Variants in ST3GAL6 observed in about 807,000 individuals in gnomAD.
The protein encoded by ST3GAL6 is ST3 beta-galactoside alpha-2,3-sialyltransferase 6.
Under a neutral mutation model 40.5 loss-of-function variants are expected in ST3GAL6, and 31 were observed. The ratio of observed to expected loss-of-function variants is 0.77; its 90% CI spans 0.58 to 1.03. The LOEUF (loss-of-function observed/expected upper bound fraction) is 1.03, where lower values mean the gene tolerates loss of function less well. ST3GAL6 is among the 50% of genes least tolerant of loss of function. The pLI, the probability that ST3GAL6 is intolerant of heterozygous loss-of-function variation, is 0.00. For missense variants in ST3GAL6, 357 were observed against 393.2 expected, an observed-to-expected ratio of 0.91 and a Z score of 0.78; for synonymous variants, 129 against 136.9, an observed-to-expected ratio of 0.94 and a Z score of 0.40.
At chr3:98,744,882 A>T (rs1177467143) in intron 1 of ST3GAL6, among the ~76,000 whole-genome samples, 5 of 152,302 alleles carry the variant, frequency 3.3e-5, no homozygotes, top group Admixed American at 2.6e-4. Context: ...TCTTTGATAA[A>T]ATAGAAAAGC....
At chr3:98,733,329 C>T (rs972617101) in intron 1 of ST3GAL6, 3 of 1,143,070 alleles carry the variant, frequency 2.6e-6, no homozygotes, top group Middle Eastern at 3.6e-4. Context: ...GCCCAGGAGC[C>T]GTGGGGGCCG....
At position 98,783,581 on chromosome 3, in the gene ST3GAL6, T is replaced by TA. The variant is rs542963493; in HGVS notation, c.336-1356dup. On this transcript the variant is annotated intron_variant, in intron 5 of 9. Transcript: ENST00000483910. Reference sequence around the variant, plus strand: ...TCTATAGACTCCCAGAAAAAAGAAATAAAAAAAATGCAAAGAAAATTTAAA... The same window carrying TA: ...TCTATAGACTCCCAGAAAAAAGAAATAAAAAAAAATGCAAAGAAAATTTAAA... 7.4e-5 allele frequency: 73 copies of TA among 983,300 alleles called. No individual in the cohort carries two copies. In the Admixed American group the frequency reaches 3.1e-3, roughly 42 times the overall value. The allele number at this position is 983,300 out of a possible 1,614,324, so 60.9% of individuals were successfully genotyped here. A position where few individuals can be genotyped will look rare whatever the true frequency, so the allele number is the denominator to read the frequency against.
intron 1 of ST3GAL6, among the ~76,000 whole-genome samples, chr3:98,737,566 T>C (rs993032616): frequency 6.6e-6 from 1 of 152,214 alleles, no homozygotes; most frequent in Non-Finnish European, 1.5e-5. Context: ...TTTCAAGATG[T>C]CTCATCATCA....
chr3:98,782,603 C>G, intron 5 of ST3GAL6: 1 of 502,126 alleles, frequency 2.0e-6, no homozygotes, highest in Non-Finnish European at 3.7e-6. Flanking sequence ...CTGGGGTCAT[C>G]CAAACCAGTA....
chr3:98,733,885 G>T (rs751136030), intron 1 of ST3GAL6, among the ~76,000 whole-genome samples: 4 of 152,180 alleles, frequency 2.6e-5, no homozygotes, highest in Non-Finnish European at 4.4e-5. Flanking sequence ...ACAGTGTGTG[G>T]GGGTAGGGAT....
At position 98,788,043 on chromosome 3, in the gene ST3GAL6, A is replaced by G; in HGVS notation, c.439A>G (p.Asn147Asp). 1 of 1,612,790 alleles carries G rather than the reference A, an allele frequency of 6.2e-7. No individual in the cohort carries two copies. The highest frequency in any genetic ancestry group is 8.5e-7 in the Non-Finnish European group (1 of 1,179,516). Residue 147 changes from asparagine (N) to aspartate (D), a missense_variant, in exon 7 of 10, where the codon AAT becomes GAT. Asn to Asp is a conservative substitution (Grantham distance 23). Transcript: ENST00000483910. ...DSYDVIIRMN[N>D]GPVLGHEEEV... The stretch of plus-strand genomic sequence containing the variant: ...ATGTTTTACTATCCACAGAATGAAT[A>G]ATGGTCCTGTTTTAGGACATGAAGA...
At chr3:98,748,315 C>G (rs1186831442) in intron 1 of ST3GAL6, among the ~76,000 whole-genome samples, 1 of 152,220 alleles carries the variant, frequency 6.6e-6, no homozygotes, top group African/African-American at 2.4e-5. Context: ...TTTAACTTCT[C>G]TAGGTCTCAG....
Position 98,783,678 on chromosome 3 carries a change from C to G in ST3GAL6, c.336-1267C>G, listed in dbSNP as rs186528920. 26 of 985,420 alleles carry G rather than the reference C, an allele frequency of 2.6e-5. No individual in the cohort carries two copies. In the Admixed American group the frequency reaches 1.5e-3, roughly 58 times the overall value. The allele number at this position is 985,420 out of a possible 1,614,324, so 61.0% of individuals were successfully genotyped here. On this transcript the variant is annotated intron_variant, in intron 5 of 9. Transcript: ENST00000483910. Reference sequence around the variant, plus strand: ...CACAAGGCGAGGTTTCAGGCACACACTGAAGGAGCATCTGCTGGACAGCCC... The same window carrying G: ...CACAAGGCGAGGTTTCAGGCACACAGTGAAGGAGCATCTGCTGGACAGCCC...
Position 98,776,711 on chromosome 3 carries a change from A to G in ST3GAL6, c.335+2728A>G, listed in dbSNP as rs57266345. Among the ~76,000 whole-genome samples, 1,079 of 152,332 alleles carry G rather than the reference A, an allele frequency of 7.1e-3. 10 individuals are homozygous for G. The highest frequency in any genetic ancestry group is 0.025 in the African/African-American group (1,033 of 41,570). On this transcript the variant is annotated intron_variant, in intron 5 of 9. Coordinates refer to ENST00000483910, the MANE Select transcript of ST3GAL6 (RefSeq NM_001323368.2). The stretch of plus-strand genomic sequence containing the variant: ...GAAGGTGCTCGACGTAGTTTGAGTT[A>G]TAACAGCTAAGCACATTATTTTCCT...
intron 1 of ST3GAL6, chr3:98,732,947 G>T: frequency 6.6e-7 from 1 of 1,510,438 alleles, no homozygotes. Flanking sequence ...CTCTGCGGTC[G>T]TCGCTCCTGG....
In ST3GAL6 at chr3:98,755,359, T is replaced by C. The variant is rs534432243; in HGVS notation, c.-11-13071T>C. On this transcript the variant is annotated intron_variant, in intron 1 of 9. Coordinates refer to the ST3GAL6 transcript ENST00000265261. ...CCGCGCCCGGCCTGAACTTATATAC[T>C]AGATTGAACATAATAAACTGTGAAA... Among the ~76,000 whole-genome samples the C allele has an allele frequency of 3.3e-5, 5 of 152,266 alleles. No individual in the cohort carries two copies. The South Asian group carries it at 1.0e-3, about 32-fold the overall frequency.
chr3:98,765,981 C>T (rs1938280529), intron 1 of ST3GAL6, among the ~76,000 whole-genome samples: 1 of 152,184 alleles, frequency 6.6e-6, no homozygotes, highest in Admixed American at 6.5e-5. Flanking sequence ...GATATCCTGG[C>T]TGGCCCGTGT....
At chr3:98,742,673 T>C (rs1219505501) in intron 1 of ST3GAL6, among the ~76,000 whole-genome samples, 1 of 151,724 alleles carries the variant, frequency 6.6e-6, no homozygotes, top group African/African-American at 2.4e-5. Flanking sequence ...TTGGCCCTTA[T>C]ATTTTTCTTT....
chr3:98,741,743 T>C (rs1936106157), intron 1 of ST3GAL6, among the ~76,000 whole-genome samples: 2 of 152,188 alleles, frequency 1.3e-5, no homozygotes, highest in South Asian at 4.1e-4. Context: ...AATTTGGACT[T>C]GGGGCTTACA....
intron 1 of ST3GAL6, among the ~76,000 whole-genome samples, chr3:98,742,153 G>T (rs1936147409): frequency 1.3e-5 from 2 of 152,116 alleles, no homozygotes; most frequent in Admixed American, 6.5e-5. Context: ...TGTTGGCATT[G>T]CAATTAAGTT....
At chr3:98,782,913 T>C in intron 5 of ST3GAL6, 1 of 19,074 alleles carries the variant, frequency 5.2e-5, no homozygotes, top group South Asian at 4.6e-4. Flanking sequence ...GATTCAGAAG[T>C]GTTACTCAGC....
intron 5 of ST3GAL6, chr3:98,783,702 C>T: frequency 1.0e-6 from 1 of 985,362 alleles, no homozygotes; most frequent in Non-Finnish European, 1.2e-6. Flanking sequence ...GCTGGACAGC[C>T]CTCCCCGCCC....
chr3:98,734,739 A>G (rs1935379914), intron 1 of ST3GAL6, among the ~76,000 whole-genome samples: 1 of 152,216 alleles, frequency 6.6e-6, no homozygotes, highest in Non-Finnish European at 1.5e-5. Flanking sequence ...ACAGAATAAT[A>G]CCATTAAGAG....
intron 5 of ST3GAL6, chr3:98,783,024 G>A (rs1011191084): frequency 6.5e-5 from 19 of 292,572 alleles, no homozygotes; most frequent in South Asian, 5.9e-4. Context: ...GTAAAGCTGC[G>A]GGGACCATCA....
Sources: gnomAD v4.1 joint callset for allele counts (sites outside exome capture counted in the v4.1 genomes callset) on GRCh38, gnomAD v4.1.1 for gene constraint, MANE v1.5 for transcripts, NCBI Gene and HGNC (gene_info 2026-07-23, HGNC 2026-07-21) for gene names.